Variants in CAMK1D observed in about 807,000 individuals in gnomAD.
CAMK1D encodes calcium/calmodulin-dependent protein kinase type 1D.
In CAMK1D, 9 loss-of-function variants were observed where a neutral mutation model predicts 47.7. That is an observed-to-expected ratio of 0.19 (90% CI 0.11 to 0.33). The LOEUF is 0.33. Ranked by LOEUF, CAMK1D falls within the 10% of genes least tolerant of loss-of-function variation. The probability of loss-of-function intolerance (pLI) is 1.00; values close to 1 mark genes in which losing one functional copy is unlikely to be tolerated. For synonymous variants in CAMK1D, 184 were observed against 184.9 expected (o/e 0.99, Z 0.04); for missense variants, 291 against 488.7 (o/e 0.60, Z 3.81).
At chr10:12,574,538 G>C (rs1837433582) in intron 2 of CAMK1D, among the ~76,000 whole-genome samples, 1 of 117,750 alleles carries the variant, frequency 8.5e-6, no homozygotes, top group South Asian at 3.0e-4. Context: ...GGCTGGTCTT[G>C]AACTCCTGGC....
intron 1 of CAMK1D, among the ~76,000 whole-genome samples, chr10:12,470,944 G>T (rs1355234386): frequency 3.3e-5 from 5 of 152,180 alleles, no homozygotes; most frequent in Admixed American, 3.3e-4. Flanking sequence ...GTGTGTGCGT[G>T]GTGGGGCTGT....
intron 1 of CAMK1D, among the ~76,000 whole-genome samples, chr10:12,514,275 A>G (rs1053893314): frequency 1.3e-5 from 2 of 152,222 alleles, no homozygotes. Flanking sequence ...GCACACACAT[A>G]TATTGCTTAT....
intron 1 of CAMK1D, among the ~76,000 whole-genome samples, chr10:12,550,548 C>G (rs1836544206): frequency 2.0e-5 from 3 of 152,198 alleles, no homozygotes; most frequent in African/African-American, 7.2e-5. Context: ...TGGACAAAAG[C>G]CGTTGGCCAT....
At chr10:12,500,506 C>T (rs1029882343) in intron 1 of CAMK1D, among the ~76,000 whole-genome samples, 1 of 152,180 alleles carries the variant, frequency 6.6e-6, no homozygotes, top group African/African-American at 2.4e-5. Flanking sequence ...GGGGCCTTTG[C>T]TGCCATTGCC....
At chr10:12,736,191 G>C (rs1835177776) in intron 3 of CAMK1D, among the ~76,000 whole-genome samples, 1 of 152,228 alleles carries the variant, frequency 6.6e-6, no homozygotes, top group Admixed American at 6.5e-5. Flanking sequence ...CAGTGAGGAA[G>C]ACCATGCTCA....
In CAMK1D at chr10:12,554,525, C is replaced by T. The variant is rs1187303213; in HGVS notation, c.224+1169C>T. On this transcript the variant is annotated intron_variant, in intron 2 of 10. Coordinates refer to ENST00000619168, the MANE Select transcript of CAMK1D (RefSeq NM_153498.4). ...GAAAGTCCTCTCTTGTATAATGGCA[C>T]ACATAGAACCATTCATTTTTTCTTT... is the stretch of plus-strand genomic sequence containing the variant. Among the ~76,000 whole-genome samples the T allele has an allele frequency of 1.7e-4, 13 of 75,078 alleles. 1 individual carries two copies. The highest frequency in any genetic ancestry group is 1.0e-3 in the Admixed American group (8 of 7,782). The allele number at this position is 75,078 out of a possible 152,430, so 49.3% of individuals were successfully genotyped here. A position where few individuals can be genotyped will look rare whatever the true frequency, so the allele number is the denominator to read the frequency against.
At chr10:12,422,502 C>T (rs1037649511) in intron 1 of CAMK1D, among the ~76,000 whole-genome samples, 8 of 152,058 alleles carry the variant, frequency 5.3e-5, no homozygotes, top group Non-Finnish European at 8.8e-5. Context: ...ATACGAATGA[C>T]TGCTGGATTC....
At chr10:12,385,238 T>C (rs1178055584) in intron 1 of CAMK1D, among the ~76,000 whole-genome samples, 1 of 152,246 alleles carries the variant, frequency 6.6e-6, no homozygotes, top group East Asian at 1.9e-4. Flanking sequence ...CCAGCCATTC[T>C]GTTCCTAGGT....
chr10:12,718,382 G>C (rs1011072), intron 3 of CAMK1D, among the ~76,000 whole-genome samples: 10,305 of 152,212 alleles, frequency 0.068, 791 homozygotes, highest in African/African-American at 0.19. Flanking sequence ...TTTTTATACA[G>C]CATAAGAAAG....
chr10:12,606,691 G>C (rs1169114664), intron 2 of CAMK1D, among the ~76,000 whole-genome samples: 1 of 152,156 alleles, frequency 6.6e-6, no homozygotes, highest in Non-Finnish European at 1.5e-5. Context: ...CGGGCACCAC[G>C]CCCAACTCTG....
chr10:12,391,973 TAAAACACAC>T (rs1316321372), intron 1 of CAMK1D, among the ~76,000 whole-genome samples: 1 of 112,104 alleles, frequency 8.9e-6, no homozygotes, highest in Non-Finnish European at 1.8e-5. Context: ...AGACTTGTCT[TAAAACACAC>T]ACACACACAC....
chr10:12,751,045 T>C (rs574564993), intron 3 of CAMK1D, among the ~76,000 whole-genome samples: 2,593 of 143,718 alleles, frequency 0.018, 105 homozygotes, highest in African/African-American at 0.063. Context: ...GGAGCCCGTC[T>C]CCCCCAATAA....
chr10:12,602,098 C>T (rs1257656476), intron 2 of CAMK1D, among the ~76,000 whole-genome samples: 1 of 152,252 alleles, frequency 6.6e-6, no homozygotes, highest in African/African-American at 2.4e-5. Flanking sequence ...CTTCCTCATA[C>T]TCCCCGAAGA....
At chr10:12,614,161 C>CT (rs1444383961) in intron 2 of CAMK1D, among the ~76,000 whole-genome samples, 1 of 152,222 alleles carries the variant, frequency 6.6e-6, no homozygotes, top group Non-Finnish European at 1.5e-5. Flanking sequence ...CTGGACCTCT[C>CT]TGAGTCTCGG....
chr10:12,381,070 C>T (rs767627646), intron 1 of CAMK1D, among the ~76,000 whole-genome samples: 14 of 152,138 alleles, frequency 9.2e-5, no homozygotes, highest in Non-Finnish European at 1.9e-4. Flanking sequence ...TAGGTGAAAG[C>T]CTGCCTTTTC....
At chr10:12,621,869 CTA>C (rs1315386092) in intron 2 of CAMK1D, among the ~76,000 whole-genome samples, 1 of 152,030 alleles carries the variant, frequency 6.6e-6, no homozygotes, top group Non-Finnish European at 1.5e-5. Flanking sequence ...TGTTAACCTT[CTA>C]TGTTAGATGG....
At chr10:12,796,561 A>G (rs1468765188) in intron 6 of CAMK1D, among the ~76,000 whole-genome samples, 1 of 152,132 alleles carries the variant, frequency 6.6e-6, no homozygotes, top group Non-Finnish European at 1.5e-5. Context: ...GATGGAATAC[A>G]TATGTTCTAA....
At chr10:12,428,660 T>A (rs1840335108) in intron 1 of CAMK1D, among the ~76,000 whole-genome samples, 1 of 152,192 alleles carries the variant, frequency 6.6e-6, no homozygotes, top group African/African-American at 2.4e-5. Context: ...TTCTGCTGGC[T>A]CCCACTGCCC....
At chr10:12,617,918 A>G (rs1838873401) in intron 2 of CAMK1D, among the ~76,000 whole-genome samples, 1 of 152,160 alleles carries the variant, frequency 6.6e-6, no homozygotes, top group Admixed American at 6.5e-5. Context: ...AAATAGCCAA[A>G]CAATTGGATT....
Sources: gnomAD v4.1 joint callset for allele counts (sites outside exome capture counted in the v4.1 genomes callset) on GRCh38, gnomAD v4.1.1 for gene constraint, MANE v1.5 for transcripts, NCBI Gene and HGNC (gene_info 2026-07-23, HGNC 2026-07-21) for gene names.